Variants in KLRG1 observed in about 807,000 individuals in gnomAD.
KLRG1 encodes killer cell lectin like receptor G1, also known as killer cell lectin-like receptor subfamily G member 1.
KLRG1 carries 16 observed loss-of-function variants against 21.8 expected under a neutral mutation model. The ratio of observed to expected loss-of-function variants is 0.73; its 90% CI spans 0.50 to 1.11. The LOEUF is 1.11. Ranked by LOEUF, KLRG1 falls within the 50% of genes most tolerant of loss-of-function variation. The pLI is 0.00. For missense variants in KLRG1, 173 were observed against 218.3 expected (o/e 0.79, Z 1.31); for synonymous variants, 69 against 75.9 (o/e 0.91, Z 0.47).
the KLRG1 span, chr12:9,167,257 C>A: frequency 6.6e-6 from 1 of 152,204 alleles, no homozygotes; most frequent in African/African-American, 2.4e-5. Context: ...CCAGTTATTG[C>A]AGTTAACAAA....
the KLRG1 span, among the ~76,000 whole-genome samples, chr12:9,107,207 A>G: frequency 1.3e-5 from 2 of 152,156 alleles, no homozygotes; most frequent in Admixed American, 1.3e-4. Context: ...TTGTTCACAG[A>G]GAGAGCAGAA....
chr12:9,116,955 A>G, the KLRG1 span, among the ~76,000 whole-genome samples: 1 of 152,194 alleles, frequency 6.6e-6, no homozygotes. Context: ...TTATTGCAGA[A>G]GTTCAGGATG....
the KLRG1 span, among the ~76,000 whole-genome samples, chr12:9,087,211 C>A: frequency 6.8e-6 from 1 of 147,130 alleles, no homozygotes; most frequent in African/African-American, 2.6e-5. Context: ...AAGCAATCTA[C>A]ATATTGAATG....
the KLRG1 span, among the ~76,000 whole-genome samples, chr12:9,146,414 T>C: frequency 7.9e-5 from 12 of 152,172 alleles, no homozygotes; most frequent in African/African-American, 2.7e-4. Context: ...TCACTGCTCA[T>C]ACATTGTTCT....
chr12:9,203,639 C>T, the KLRG1 span: 5 of 1,103,736 alleles, frequency 4.5e-6, no homozygotes, highest in African/African-American at 7.9e-5. Context: ...CCGCACCTGG[C>T]CCCTGAAGTC....
chr12:9,035,397 T>C, the KLRG1 span, among the ~76,000 whole-genome samples: 1 of 150,938 alleles, frequency 6.6e-6, no homozygotes, highest in African/African-American at 2.4e-5. Context: ...AGTCGAACAA[T>C]GAGAACACAT....
chr12:9,096,358 C>T, the KLRG1 span, among the ~76,000 whole-genome samples: 2,433 of 152,248 alleles, frequency 0.016, 68 homozygotes, highest in African/African-American at 0.056. Flanking sequence ...TGTGACATTG[C>T]ACAAAGCTTT....
At chr12:9,028,867 C>T in the KLRG1 span, 1 of 642,930 alleles carries the variant, frequency 1.6e-6, no homozygotes, top group Non-Finnish European at 2.9e-6. Context: ...CTTGTGTGGC[C>T]TTGCATTCGT....
At chr12:9,028,628 G>C in the KLRG1 span, 5 of 373,174 alleles carry the variant, frequency 1.3e-5, no homozygotes, top group Non-Finnish European at 2.6e-5. Context: ...ATTTTTAGTA[G>C]AGACGGGATT....
chr12:8,966,097 C>T (rs1468046182), intron 1 of KLRG1, among the ~76,000 whole-genome samples: 1 of 152,144 alleles, frequency 6.6e-6, no homozygotes, highest in East Asian at 1.9e-4. Context: ...AAAGGATTCC[C>T]TATTTAATAA....
the KLRG1 span, among the ~76,000 whole-genome samples, chr12:9,047,850 C>T: frequency 1.3e-5 from 2 of 152,130 alleles, no homozygotes; most frequent in African/African-American, 4.8e-5. Context: ...TACTTAACAA[C>T]AGCGGTCAAA....
chr12:9,003,251 C>T (rs1180493585), intron 3 of KLRG1, among the ~76,000 whole-genome samples: 2 of 152,098 alleles, frequency 1.3e-5, no homozygotes, highest in Non-Finnish European at 2.9e-5. Flanking sequence ...CGTTCCTCCT[C>T]TTGAAATGAA....
intron 1 of KLRG1, among the ~76,000 whole-genome samples, chr12:8,956,746 C>G (rs774887821): frequency 1.3e-5 from 2 of 152,222 alleles, no homozygotes; most frequent in Non-Finnish European, 2.9e-5. Flanking sequence ...TGCACCTGAC[C>G]TTTGAAGTTC....
At chr12:9,182,901 C>T in the KLRG1 span, among the ~76,000 whole-genome samples, 27 of 152,282 alleles carry the variant, frequency 1.8e-4, no homozygotes, top group African/African-American at 6.5e-4. Flanking sequence ...GTATTATTTC[C>T]ATGTCTTCCT....
chr12:9,101,617 CG>C, the KLRG1 span: 2 of 1,613,986 alleles, frequency 1.2e-6, no homozygotes, highest in Non-Finnish European at 1.7e-6. Flanking sequence ...TGTGCCTCTT[CG>C]TGTTCTTCTG....
the KLRG1 span, among the ~76,000 whole-genome samples, chr12:9,075,828 A>T: frequency 6.6e-6 from 1 of 152,122 alleles, no homozygotes; most frequent in Non-Finnish European, 1.5e-5. Flanking sequence ...CAAGGGATTT[A>T]TTTTTCCCAT....
At chr12:9,082,799 A>C in the KLRG1 span, among the ~76,000 whole-genome samples, 1 of 152,276 alleles carries the variant, frequency 6.6e-6, no homozygotes, top group Non-Finnish European at 1.5e-5. Context: ...ATACAAAATT[A>C]AATGAAATTT....
chr12:9,080,334 A>C, the KLRG1 span: 1 of 411,116 alleles, frequency 2.4e-6, no homozygotes, highest in East Asian at 3.6e-5. Flanking sequence ...AATATCTTAA[A>C]AATGGGCTAC....
chr12:9,046,526 C>T, the KLRG1 span, among the ~76,000 whole-genome samples: 1 of 152,092 alleles, frequency 6.6e-6, no homozygotes, highest in Non-Finnish European at 1.5e-5. Flanking sequence ...GAAAGCCTTG[C>T]TTACAGAGAG....
Sources: allele counts gnomAD v4.1 joint callset (sites outside exome capture counted in the v4.1 genomes callset), GRCh38; gene constraint gnomAD v4.1.1; transcripts MANE v1.5; gene names NCBI Gene and HGNC (gene_info 2026-07-23, HGNC 2026-07-21).